Variants in KCNT1 observed in about 807,000 individuals in gnomAD.
KCNT1 encodes potassium channel subfamily T member 1.
In KCNT1, 78 loss-of-function variants were observed where a neutral mutation model predicts 147.8. That is an observed-to-expected ratio of 0.53 (90% CI 0.44 to 0.64). KCNT1 has a LOEUF of 0.64. KCNT1 is among the 30% of genes least tolerant of loss of function. KCNT1 has a pLI of 0.00. For missense variants in KCNT1, 1,419 were observed against 1,750.3 expected (o/e 0.81, Z 3.38); for synonymous variants, 867 against 748.8 (o/e 1.16, Z -2.58).
rs766663683 is a variant in KCNT1, at chr9:135,751,007, G to A, written c.400G>A (p.Val134Ile). ...LLTCLLYIVR[V>I]LLDDPALGIG... ...CACCTGCCTGCTCTACATTGTGCGC[G>A]TCCTGCTCGATGACCCGGCCCTGGG... is the stretch of plus-strand genomic sequence containing the variant. Residue 134 changes from valine to isoleucine, a missense_variant, in exon 4 of 31, where the codon GTC becomes ATC. Physicochemically the swap from Val to Ile is conservative, Grantham distance 29. This residue lies in a region of KCNT1 where 401 missense variants were observed against 610.6 expected (regional missense o/e 0.66). Transcript: ENST00000371757. 70 of 1,612,590 alleles carry A rather than the reference G, an allele frequency of 4.3e-5. No individual in the cohort carries two copies. Among genetic ancestry groups the A allele is most frequent in the Non-Finnish European group, 5.8e-5 (68 of 1,179,864 alleles).
rs1564402008 is a variant in KCNT1 at position 135,792,075 on chromosome 9, G to A, written c.3622G>A (p.Ala1208Thr). The change falls in exon 31 of 31, where the codon GCC becomes ACC. Residue 1208 changes from alanine to threonine, a missense_variant. By Grantham distance (58) the Ala-to-Thr change is moderately conservative (BLOSUM62 0). Transcript: ENST00000371757. ...LIRSDPLAHV[A>T]SSSQSRKSSC... ...CCGCTCCGACCCCCTGGCTCACGTG[G>A]CCAGCAGCTCCCAGAGCCGGAAGAG... 2 of 1,604,350 alleles carry A rather than the reference G, an allele frequency of 1.2e-6. No individual in the cohort carries two copies. Among genetic ancestry groups the A allele is most frequent in the Non-Finnish European group, 8.5e-7 (1 of 1,179,696 alleles).
At chr9:135,769,383 G>A (rs1479729511) in intron 15 of KCNT1, among the ~76,000 whole-genome samples, 1 of 152,190 alleles carries the variant, frequency 6.6e-6, no homozygotes, top group Non-Finnish European at 1.5e-5. Context: ...GCAGCGGGAG[G>A]GGCTGGCCCT....
At chr9:135,706,010 C>T (rs963771418) in intron 1 of KCNT1, among the ~76,000 whole-genome samples, 2 of 152,078 alleles carry the variant, frequency 1.3e-5, no homozygotes, top group Non-Finnish European at 2.9e-5. Flanking sequence ...ACAAGGCGGG[C>T]GCCCCGGGAG....
chr9:135,735,552 G>C (rs1001187287), intron 2 of KCNT1, among the ~76,000 whole-genome samples: 1 of 152,186 alleles, frequency 6.6e-6, no homozygotes, highest in African/African-American at 2.4e-5. Flanking sequence ...GATTCAGGGT[G>C]GGGGAACAGG....
At position 135,745,910 on chromosome 9, in the gene KCNT1, A is replaced by G. The variant is rs188178388; in HGVS notation, c.255-4188A>G. On this transcript the variant is annotated intron_variant, in intron 2 of 30. Transcript: ENST00000371757. ...ACCAGTGTCCATGAACCTCTGCCGC[A>G]GCAAGGAGGCTTGGGCCACTCTGGC... Among the ~76,000 whole-genome samples the G allele has an allele frequency of 1.6e-4, 24 of 152,310 alleles. No individual in the cohort carries two copies. In the East Asian group the frequency reaches 4.6e-3, roughly 29 times the overall value.
At chr9:135,779,766 G>A (rs1461281401) in intron 24 of KCNT1, among the ~76,000 whole-genome samples, 1 of 152,246 alleles carries the variant, frequency 6.6e-6, no homozygotes, top group Non-Finnish European at 1.5e-5. Flanking sequence ...TGGAGGCCAA[G>A]GCCATCTGTC....
chr9:135,731,983 TATATATATAGAGAGAGAG>T (rs1333783504), intron 2 of KCNT1, among the ~76,000 whole-genome samples: 31 of 24,902 alleles, frequency 1.2e-3, no homozygotes, highest in Middle Eastern at 0.018. Context: ...TATATATATA[TATATATATAGAGAGAGAG>T]AGAGAGAGAG....
intron 29 of KCNT1, among the ~76,000 whole-genome samples, chr9:135,787,909 C>G (rs1057174604): frequency 6.6e-6 from 1 of 152,190 alleles, no homozygotes; most frequent in Non-Finnish European, 1.5e-5. Context: ...CCTGCCTCTG[C>G]GACCGCTGCC....
rs1444415502 is a variant in KCNT1 at position 135,765,206 on chromosome 9, T to C, written c.1200+11T>C. The C allele has an allele frequency of 1.2e-6, 2 of 1,605,946 alleles. No individual in the cohort carries two copies. Among genetic ancestry groups the C allele is most frequent in the Middle Eastern group, 1.7e-4 (1 of 6,036 alleles). On this transcript the variant is annotated intron_variant, in intron 12 of 30. Coordinates refer to ENST00000371757, the MANE Select transcript of KCNT1 (RefSeq NM_020822.3). ...CACCCCCGGCTCCAGGTGAGGCCCCTTACCGTGGCCCAGCAGACGACTCCC... is the reference window on the plus strand; with the variant it reads ...CACCCCCGGCTCCAGGTGAGGCCCCCTACCGTGGCCCAGCAGACGACTCCC...
At chr9:135,761,462 A>C (rs1469580979) in intron 11 of KCNT1, among the ~76,000 whole-genome samples, 1 of 152,246 alleles carries the variant, frequency 6.6e-6, no homozygotes, top group Non-Finnish European at 1.5e-5. Flanking sequence ...CACTCCGTGC[A>C]GTGACACTGC....
chr9:135,732,786 C>T (rs1167904980), intron 2 of KCNT1, among the ~76,000 whole-genome samples: 1 of 151,758 alleles, frequency 6.6e-6, no homozygotes, highest in Non-Finnish European at 1.5e-5. Context: ...CATTCTCTCT[C>T]TCTTCTCTTT....
chr9:135,793,575 T>G lies in KCNT1; in HGVS notation c.*1414T>G, dbSNP rs1364397492. 1 of 152,250 alleles carries G rather than the reference T, an allele frequency of 6.6e-6. No homozygotes were observed. The highest frequency in any genetic ancestry group is 6.5e-5 in the Admixed American group (1 of 15,278). 9.4% of individuals were successfully genotyped at this position (152,250 alleles called of 1,614,324 possible). A position where few individuals can be genotyped will look rare whatever the true frequency, so the allele number is the denominator to read the frequency against. ...GTGTGTGCACCTCACCACGTTCACT[T>G]CAGGGTACCCCAAGAGGCTGAAGGG... is the stretch of plus-strand genomic sequence containing the variant. On this transcript the variant is annotated 3_prime_UTR_variant, in exon 31 of 31. Transcript: ENST00000371757.
intron 2 of KCNT1, among the ~76,000 whole-genome samples, chr9:135,743,390 C>T (rs1179153115): frequency 6.6e-6 from 1 of 152,204 alleles, no homozygotes; most frequent in East Asian, 1.9e-4. Context: ...GGAGGGGCCC[C>T]AGGCTTACTG....
At chr9:135,748,007 T>C (rs898872154) in intron 2 of KCNT1, among the ~76,000 whole-genome samples, 1 of 152,164 alleles carries the variant, frequency 6.6e-6, no homozygotes, top group African/African-American at 2.4e-5. Context: ...AGTGGCGTGT[T>C]GACGGCTCAC....
chr9:135,725,563 C>G (rs1418865754), intron 2 of KCNT1, among the ~76,000 whole-genome samples: 1 of 152,200 alleles, frequency 6.6e-6, no homozygotes, highest in Non-Finnish European at 1.5e-5. Flanking sequence ...GCATTCTGGT[C>G]TCCAGAACAG....
chr9:135,745,979 C>T (rs925780216), intron 2 of KCNT1, among the ~76,000 whole-genome samples: 2 of 152,270 alleles, frequency 1.3e-5, no homozygotes, highest in African/African-American at 4.8e-5. Context: ...CGGCCTAGAG[C>T]TGACCCCAGC....
rs1022928641 is a variant in KCNT1, at chr9:135,771,039, A to G, written c.1952A>G (p.Gln651Arg). The change falls in exon 18 of 31, where the codon CAG becomes CGG. Residue 651 changes from glutamine to arginine, a missense_variant. By Grantham distance (43) the Gln-to-Arg change is conservative. Coordinates refer to ENST00000371757, the MANE Select transcript of KCNT1 (RefSeq NM_020822.3). ...EKRKKRAFSG[Q>R]GLHEGPARLP... is the part of the protein sequence containing the mutation. ...CGGAAGAAGAGGGCCTTCTCGGGGC[A>G]GGGGCTGCACGAGGGTCCGGCCCGC... 9 of 1,613,110 alleles carry G rather than the reference A, an allele frequency of 5.6e-6. No homozygotes were observed. Among genetic ancestry groups the G allele is most frequent in the Middle Eastern group, 3.3e-4 (2 of 6,058 alleles).
Position 135,792,305 on chromosome 9 carries a change from A to G in KCNT1, c.*144A>G, listed in dbSNP as rs1834600201. On this transcript the variant is annotated 3_prime_UTR_variant, in exon 31 of 31. Coordinates refer to ENST00000371757, the MANE Select transcript of KCNT1 (RefSeq NM_020822.3). ...TGGCTCCTGGGACTCCACCCTGGAA[A>G]GGAGCCCCTCATGCGGGGGGAGGGC... 9.0e-7 allele frequency: 1 copy of G among 1,111,222 alleles called. No homozygotes were observed. The highest frequency in any genetic ancestry group is 1.6e-5 in the African/African-American group (1 of 63,202). The allele number at this position is 1,111,222 out of a possible 1,614,324, so 68.8% of individuals were successfully genotyped here.
chr9:135,712,056 C>T (rs866327268), intron 1 of KCNT1, among the ~76,000 whole-genome samples: 11 of 152,184 alleles, frequency 7.2e-5, no homozygotes, highest in South Asian at 2.1e-4. Context: ...CTCATGCCAG[C>T]GGGACTCTTG....
Sources: allele counts gnomAD v4.1 joint callset (sites outside exome capture counted in the v4.1 genomes callset), GRCh38; gene constraint gnomAD v4.1.1; regional missense constraint gnomAD v4.1.1; transcripts MANE v1.5; gene names NCBI Gene and HGNC (gene_info 2026-07-23, HGNC 2026-07-21).